ARHGAP42: variants seen among roughly 807,000 people sequenced by gnomAD.
ARHGAP42 encodes rho GTPase-activating protein 42.
In ARHGAP42, 63 loss-of-function variants were observed where a neutral mutation model predicts 125.0. That is an observed-to-expected ratio of 0.50 (90% CI 0.41 to 0.62). The LOEUF (loss-of-function observed/expected upper bound fraction) is 0.62. ARHGAP42 is among the 20% of genes least tolerant of loss of function. The pLI, the probability that ARHGAP42 is intolerant of heterozygous loss-of-function variation, is 0.00. For synonymous variants in ARHGAP42, 339 were observed against 351.0 expected, an observed-to-expected ratio of 0.97 and a Z score of 0.38; for missense variants, 766 against 1,024.2, an observed-to-expected ratio of 0.75 and a Z score of 3.44.
chr11:100,952,349 AAATAT>A (rs1290949794), intron 12 of ARHGAP42, among the ~76,000 whole-genome samples: 1 of 152,152 alleles, frequency 6.6e-6, no homozygotes, highest in African/African-American at 2.4e-5. Context: ...TGATCCTGAC[AAATAT>A]AATCTTTTCA....
chr11:100,897,689 A>T (rs1027940786), intron 4 of ARHGAP42, among the ~76,000 whole-genome samples: 76 of 152,208 alleles, frequency 5.0e-4, no homozygotes, highest in African/African-American at 1.7e-3. Flanking sequence ...CACATTGATT[A>T]TGTATCCTGA....
chr11:100,800,106 T>C (rs1591190850), intron 3 of ARHGAP42, among the ~76,000 whole-genome samples: 3 of 152,294 alleles, frequency 2.0e-5, no homozygotes. Flanking sequence ...TTGTGGATTT[T>C]TCTAGGAATA....
At chr11:100,906,806 C>T (rs1360099844) in intron 4 of ARHGAP42, among the ~76,000 whole-genome samples, 2 of 152,036 alleles carry the variant, frequency 1.3e-5, no homozygotes, top group African/African-American at 2.4e-5. Flanking sequence ...TTTTTCTACC[C>T]AGAACTGTGT....
At chr11:100,966,028 T>A (rs994735763) in intron 17 of ARHGAP42, among the ~76,000 whole-genome samples, 8 of 152,128 alleles carry the variant, frequency 5.3e-5, no homozygotes, top group African/African-American at 1.7e-4. Flanking sequence ...GATGAAACAA[T>A]TAGATGTGTC....
At chr11:100,829,446 G>A (rs890905707) in intron 3 of ARHGAP42, among the ~76,000 whole-genome samples, 2 of 152,114 alleles carry the variant, frequency 1.3e-5, no homozygotes, top group East Asian at 1.9e-4. Context: ...TTACAAACTG[G>A]GTTGGAGATG....
chr11:100,711,509 C>G (rs534578554), intron 1 of ARHGAP42, among the ~76,000 whole-genome samples: 1 of 152,088 alleles, frequency 6.6e-6, no homozygotes, highest in East Asian at 1.9e-4. Flanking sequence ...TGCACACTAC[C>G]ATGCCCAGAT....
chr11:100,901,587 C>T (rs1229846256), intron 4 of ARHGAP42, among the ~76,000 whole-genome samples: 1 of 152,206 alleles, frequency 6.6e-6, no homozygotes, highest in African/African-American at 2.4e-5. Flanking sequence ...AGCTTGCCGG[C>T]CACTTTGTTT....
chr11:100,725,824 A>G (rs1405326950), intron 1 of ARHGAP42, among the ~76,000 whole-genome samples: 4 of 151,034 alleles, frequency 2.6e-5, no homozygotes, highest in African/African-American at 4.9e-5. Flanking sequence ...AGTCCCAGCT[A>G]CTCAGGAGGC....
chr11:100,814,514 T>C (rs759437647), intron 3 of ARHGAP42, among the ~76,000 whole-genome samples: 3 of 152,152 alleles, frequency 2.0e-5, no homozygotes, highest in Non-Finnish European at 4.4e-5. Flanking sequence ...TACATGAGAC[T>C]GGGTAATTTA....
chr11:100,871,943 A>G (rs1282690346), intron 4 of ARHGAP42, among the ~76,000 whole-genome samples: 2 of 152,170 alleles, frequency 1.3e-5, no homozygotes, highest in Non-Finnish European at 2.9e-5. Flanking sequence ...AGGTTTCTCC[A>G]TGTTGGTCAG....
At chr11:100,801,705 G>T (rs1351414837) in intron 3 of ARHGAP42, among the ~76,000 whole-genome samples, 1 of 152,086 alleles carries the variant, frequency 6.6e-6, no homozygotes, top group Non-Finnish European at 1.5e-5. Context: ...GAAAATAATG[G>T]AAAGTATGTT....
intron 1 of ARHGAP42, among the ~76,000 whole-genome samples, chr11:100,697,740 A>G (rs1251475695): frequency 2.0e-5 from 3 of 152,174 alleles, no homozygotes; most frequent in Non-Finnish European, 2.9e-5. Context: ...TGTCTAGTGT[A>G]TTATCCCTTT....
At chr11:100,772,411 C>A (rs1863005045) in intron 2 of ARHGAP42, among the ~76,000 whole-genome samples, 1 of 152,176 alleles carries the variant, frequency 6.6e-6, no homozygotes, top group South Asian at 2.1e-4. Flanking sequence ...CAAGTGGTCA[C>A]TCTCTTTGCT....
intron 4 of ARHGAP42, among the ~76,000 whole-genome samples, chr11:100,903,133 A>G (rs560145558): frequency 6.6e-6 from 1 of 151,378 alleles, no homozygotes; most frequent in East Asian, 1.9e-4. Context: ...ACACACACAC[A>G]CACACACACA....
rs536876159 is a variant in ARHGAP42 at position 100,687,313 on chromosome 11, T to C, written c.-366T>C. 6.0e-4 allele frequency among the ~76,000 whole-genome samples: 91 copies of C among 151,708 alleles called. 2 individuals are homozygous for C. In the South Asian group the frequency reaches 0.018, roughly 30 times the overall value. ...ACAACGCCGACGACTGTCAAGAGAGTTGGGGAGTGGAACTGCCGGAAGTGT... is the reference window on the plus strand; with the variant it reads ...ACAACGCCGACGACTGTCAAGAGAGCTGGGGAGTGGAACTGCCGGAAGTGT... On this transcript the variant is annotated 5_prime_UTR_variant, in exon 1 of 24. Transcript: ENST00000298815.
chr11:100,804,705 G>A (rs1305112828), intron 3 of ARHGAP42, among the ~76,000 whole-genome samples: 1 of 151,812 alleles, frequency 6.6e-6, no homozygotes, highest in Admixed American at 6.6e-5. Context: ...TTAGAGATGG[G>A]GTTTCACTAT....
intron 3 of ARHGAP42, among the ~76,000 whole-genome samples, chr11:100,836,349 G>T (rs535258156): frequency 6.6e-6 from 1 of 152,176 alleles, no homozygotes; most frequent in South Asian, 2.1e-4. Context: ...AGAATTTTAT[G>T]TTATGCAGAG....
chr11:100,877,691 C>G (rs1179987343), intron 4 of ARHGAP42, among the ~76,000 whole-genome samples: 2 of 152,112 alleles, frequency 1.3e-5, no homozygotes, highest in Non-Finnish European at 2.9e-5. Context: ...CAGGACAGCT[C>G]CTTAACTGTT....
chr11:100,905,852 A>G lies in ARHGAP42; in HGVS notation c.385-7600A>G, dbSNP rs938121579. On this transcript the variant is annotated intron_variant, in intron 4 of 23. Coordinates refer to ENST00000298815, the MANE Select transcript of ARHGAP42 (RefSeq NM_152432.4). ...AATTAGCCAGGAATGGTGGCGCATGACTGTGTTTCCAGCTACTCGGGAGGC... is the reference window on the plus strand; with the variant it reads ...AATTAGCCAGGAATGGTGGCGCATGGCTGTGTTTCCAGCTACTCGGGAGGC... 3.9e-5 allele frequency among the ~76,000 whole-genome samples: 6 copies of G among 152,064 alleles called. No homozygotes were observed. The East Asian group carries it at 9.7e-4, about 24-fold the overall frequency.
Sources: allele counts gnomAD v4.1 joint callset (sites outside exome capture counted in the v4.1 genomes callset), GRCh38; gene constraint gnomAD v4.1.1; transcripts MANE v1.5; gene names NCBI Gene and HGNC (gene_info 2026-07-23, HGNC 2026-07-21).